The following ZDHHC21 variants were observed in gnomAD, a reference collection of about 807,000 sequenced individuals.
ZDHHC21 encodes zDHHC palmitoyltransferase 21.
In ZDHHC21, 15 loss-of-function variants were observed where a neutral mutation model predicts 34.6. That is an observed-to-expected ratio of 0.43 (90% CI 0.29 to 0.67). The LOEUF (loss-of-function observed/expected upper bound fraction) is 0.67, where lower values mean the gene tolerates loss of function less well. ZDHHC21 is among the 30% of genes least tolerant of loss of function. The pLI is 0.14. For missense variants in ZDHHC21, 344 were observed against 327.7 expected (o/e 1.05, Z -0.38); for synonymous variants, 142 against 101.8 (o/e 1.40, Z -2.38).
At chr9:14,589,562 G>T in the ZDHHC21 span, 1 of 152,180 alleles carries the variant, frequency 6.6e-6, no homozygotes, top group East Asian at 1.9e-4. Context: ...ATCTTCATGA[G>T]ATCTCCAAGA....
At chr9:14,655,938 G>C (rs1457700133) in intron 7 of ZDHHC21, among the ~76,000 whole-genome samples, 3 of 151,516 alleles carry the variant, frequency 2.0e-5, no homozygotes, top group African/African-American at 7.3e-5. Flanking sequence ...AAGTATTAAA[G>C]ACAGAAAAAG....
intron 3 of ZDHHC21, among the ~76,000 whole-genome samples, chr9:14,676,510 C>A (rs1184409765): frequency 1.3e-5 from 2 of 151,612 alleles, no homozygotes; most frequent in South Asian, 2.1e-4. Flanking sequence ...AGAAAAAAAA[C>A]AAAAAACAAA....
At chr9:14,627,842 T>G (rs1024802313) in intron 8 of ZDHHC21, among the ~76,000 whole-genome samples, 2 of 152,154 alleles carry the variant, frequency 1.3e-5, no homozygotes, top group African/African-American at 4.8e-5. Context: ...ACATTATTGT[T>G]GGCTATGTGT....
chr9:14,643,312 T>A (rs910720548), intron 7 of ZDHHC21, among the ~76,000 whole-genome samples: 1 of 152,074 alleles, frequency 6.6e-6, no homozygotes, highest in African/African-American at 2.4e-5. Context: ...AATTAGAACA[T>A]CTGAAACCAA....
Position 14,693,413 on chromosome 9 carries a change from C to A in ZDHHC21, c.-409G>T. ...AGTGGGTGTCCGCATGCCCGCGCGC[C>A]CGCGTGGGGAGGGACGACTGCCGCC... On this transcript the variant is annotated 5_prime_UTR_variant, in exon 1 of 10. Transcript: ENST00000380916. 1 of 291,576 alleles carries A rather than the reference C, an allele frequency of 3.4e-6. No homozygotes were observed. The allele number at this position is 291,576 out of a possible 1,614,324, so 18.1% of individuals were successfully genotyped here.
chr9:14,662,184 C>A, intron 6 of ZDHHC21, 31 bp downstream of exon 6: 1 of 1,509,594 alleles, frequency 6.6e-7, no homozygotes, highest in Non-Finnish European at 9.0e-7. Flanking sequence ...ACCCACCCCT[C>A]TTTTCTTTGC....
the ZDHHC21 span, among the ~76,000 whole-genome samples, chr9:14,605,307 T>C: frequency 1.1e-3 from 168 of 152,174 alleles, 3 homozygotes; most frequent in African/African-American, 3.9e-3. Flanking sequence ...GCTGCACCAT[T>C]TTACACCCCT....
chr9:14,642,990 G>A (rs1191364023), intron 7 of ZDHHC21, among the ~76,000 whole-genome samples: 1 of 152,200 alleles, frequency 6.6e-6, no homozygotes, highest in African/African-American at 2.4e-5. Flanking sequence ...TGTAATCCCA[G>A]CACTTTGGGA....
chr9:14,643,967 T>A (rs1350806898), intron 7 of ZDHHC21, among the ~76,000 whole-genome samples: 1 of 152,210 alleles, frequency 6.6e-6, no homozygotes, highest in East Asian at 1.9e-4. Flanking sequence ...CAAGAACGTC[T>A]TGATTATTCC....
chr9:14,655,298 T>C (rs1831990364), intron 7 of ZDHHC21, among the ~76,000 whole-genome samples: 1 of 142,962 alleles, frequency 7.0e-6, no homozygotes, highest in Non-Finnish European at 1.5e-5. Flanking sequence ...TAAAAGCATC[T>C]TCAGGGAACC....
intron 8 of ZDHHC21, among the ~76,000 whole-genome samples, chr9:14,630,329 G>T (rs1344046137): frequency 6.6e-6 from 1 of 152,132 alleles, no homozygotes; most frequent in African/African-American, 2.4e-5. Flanking sequence ...TCATCCATAA[G>T]AAGCAAATTC....
At position 14,645,362 on chromosome 9, in the gene ZDHHC21, A is replaced by G. The variant is rs1830106400; in HGVS notation, c.505-5350T>C. Reference sequence around the variant, plus strand: ...ACTACAGAGTGGAGGGGAAAGAATTATCTTTTCAATAAATGGTGCTAAATC... The same window carrying G: ...ACTACAGAGTGGAGGGGAAAGAATTGTCTTTTCAATAAATGGTGCTAAATC... On this transcript the variant is annotated intron_variant, in intron 7 of 9. Coordinates refer to ENST00000380916, the MANE Select transcript of ZDHHC21 (RefSeq NM_178566.6). Among the ~76,000 whole-genome samples, 3 of 152,082 alleles carry G rather than the reference A, an allele frequency of 2.0e-5. No homozygotes were observed. The South Asian group carries it at 6.2e-4, about 31-fold the overall frequency.
intron 8 of ZDHHC21, among the ~76,000 whole-genome samples, chr9:14,626,268 T>C (rs184205588): frequency 6.6e-6 from 1 of 152,062 alleles, no homozygotes; most frequent in East Asian, 1.9e-4. Context: ...AAACCATAAA[T>C]ATAAGATTTA....
intron 3 of ZDHHC21, among the ~76,000 whole-genome samples, chr9:14,678,665 G>A (rs925309424): frequency 2.2e-4 from 34 of 152,010 alleles, no homozygotes; most frequent in Non-Finnish European, 4.1e-4. Context: ...TTTATTTTTA[G>A]TATTACCTAA....
At chr9:14,649,325 G>T (rs1158388395) in intron 7 of ZDHHC21, among the ~76,000 whole-genome samples, 1 of 152,062 alleles carries the variant, frequency 6.6e-6, no homozygotes, top group African/African-American at 2.4e-5. Context: ...AAAGCATACA[G>T]ATTTGAATTT....
chr9:14,653,494 C>A (rs1416600185), intron 7 of ZDHHC21, among the ~76,000 whole-genome samples: 1 of 151,952 alleles, frequency 6.6e-6, no homozygotes, highest in Non-Finnish European at 1.5e-5. Context: ...TGTTATACTG[C>A]TGGAATTTTA....
chr9:14,629,777 G>T (rs929156773), intron 8 of ZDHHC21, among the ~76,000 whole-genome samples: 1 of 152,016 alleles, frequency 6.6e-6, no homozygotes. Context: ...ACAATAAACC[G>T]GTGGCTCACA....
chr9:14,595,856 CA>C, the ZDHHC21 span, among the ~76,000 whole-genome samples: 1 of 152,172 alleles, frequency 6.6e-6, no homozygotes, highest in African/African-American at 2.4e-5. Context: ...CATTAGCCAT[CA>C]GGCAAATGTA....
At chr9:14,659,254 C>T (rs373542131) in intron 6 of ZDHHC21, among the ~76,000 whole-genome samples, 6 of 152,058 alleles carry the variant, frequency 3.9e-5, no homozygotes, top group East Asian at 3.9e-4. Flanking sequence ...GAGCAAGAAC[C>T]CTGCTTCCCT....
Sources: gnomAD v4.1 joint callset for allele counts (sites outside exome capture counted in the v4.1 genomes callset) on GRCh38, gnomAD v4.1.1 for gene constraint, MANE v1.5 for transcripts, NCBI Gene and HGNC (gene_info 2026-07-23, HGNC 2026-07-21) for gene names.